LAMA3: variants seen among roughly 807,000 people sequenced by gnomAD.
LAMA3 encodes laminin subunit alpha 3.
A neutral mutation model predicts 402.0 loss-of-function variants in LAMA3; 281 were observed. The observed-to-expected ratio is 0.70, with a 90% confidence interval of 0.63 to 0.77. LAMA3 has a LOEUF of 0.77. LAMA3 is among the 30% of genes least tolerant of loss of function. The probability of loss-of-function intolerance (pLI) is 0.00; values close to 1 mark genes in which losing one functional copy is unlikely to be tolerated. For missense variants in LAMA3, 3,840 were observed against 4,215.5 expected (o/e 0.91, Z 2.47); for synonymous variants, 1,431 against 1,558.4 (o/e 0.92, Z 1.93).
At chr18:23,746,126 G>A (rs2061648309) in intron 2 of LAMA3, among the ~76,000 whole-genome samples, 1 of 152,108 alleles carries the variant, frequency 6.6e-6, no homozygotes, top group Non-Finnish European at 1.5e-5. Context: ...TTATGAGGTT[G>A]GATCACTTTT....
At chr18:23,866,970 G>C (rs2064372438) in intron 36 of LAMA3, among the ~76,000 whole-genome samples, 4 of 152,222 alleles carry the variant, frequency 2.6e-5, no homozygotes, top group Admixed American at 2.0e-4. Flanking sequence ...GTAGGGTGCT[G>C]ATGCAGTAGT....
At position 23,803,180 on chromosome 18, in the gene LAMA3, A is replaced by G. The variant is rs148281441; in HGVS notation, c.1604-7186A>G. 5.3e-3 allele frequency among the ~76,000 whole-genome samples: 800 copies of G among 152,346 alleles called. 13 individuals are homozygous for G. The highest frequency in any genetic ancestry group is 0.019 in the African/African-American group (770 of 41,576). On this transcript the variant is annotated intron_variant, in intron 12 of 74. Transcript: ENST00000313654. ...AATTTCTGTATCCAAGTAAGTGTCC[A>G]TTCCAATAAGAACAAAACACTTCCC...
In LAMA3 at chr18:23,858,808, C is replaced by A. The variant is rs2064147193; in HGVS notation, c.4401C>A (p.Ser1467Arg). ...TTGGAGTAAATAATCAATGTCACAGCTCACATAAGCGAAGGACTAAGGTAT... is the reference window on the plus strand; with the variant it reads ...TTGGAGTAAATAATCAATGTCACAGATCACATAAGCGAAGGACTAAGGTAT... ...FCFGVNNQCHSSHKRRTKFVD... is the reference protein window; with the variant it reads ...FCFGVNNQCHRSHKRRTKFVD... The change falls in exon 34 of 75, where the codon AGC (serine) becomes AGA (arginine). Residue 1467 changes from serine (S) to arginine (R), a missense_variant. Coordinates refer to ENST00000313654, the MANE Select transcript of LAMA3 (RefSeq NM_198129.4). 6.2e-7 allele frequency: 1 copy of A among 1,614,158 alleles called. No individual in the cohort carries two copies. Among genetic ancestry groups the A allele is most frequent in the Non-Finnish European group, 8.5e-7 (1 of 1,179,982 alleles).
At chr18:23,950,270 AG>A in intron 72 of LAMA3, 111 bp downstream of exon 72, 1 of 1,253,660 alleles carries the variant, frequency 8.0e-7, no homozygotes, top group Non-Finnish European at 1.2e-6. Context: ...CTTGTATTTA[AG>A]AGCCTTGACT....
chr18:23,883,653 G>A (rs1052974525), intron 40 of LAMA3, among the ~76,000 whole-genome samples: 6 of 152,194 alleles, frequency 3.9e-5, no homozygotes, highest in African/African-American at 9.7e-5. Flanking sequence ...CGTGAAGCCC[G>A]CCCCATCCTG....
At chr18:23,746,158 C>T (rs545438033) in intron 2 of LAMA3, among the ~76,000 whole-genome samples, 1 of 152,182 alleles carries the variant, frequency 6.6e-6, no homozygotes, top group East Asian at 1.9e-4. Flanking sequence ...GTAGACAACT[C>T]GGGAGTGTTA....
intron 66 of LAMA3, 39 bp downstream of exon 66, chr18:23,932,330 G>A (rs373714381): frequency 1.4e-4 from 228 of 1,609,280 alleles, no homozygotes; most frequent in Non-Finnish European, 1.9e-4. Context: ...GATGAGAACG[G>A]CCTGCCCATG....
chr18:23,814,343 A>G (rs2063135253), intron 14 of LAMA3, 60 bp from the exon 15 acceptor site: 1 of 1,246,656 alleles, frequency 8.0e-7, no homozygotes, highest in Non-Finnish European at 1.2e-6. Flanking sequence ...GCTCACGCAC[A>G]GGTTTGAAAA....
At chr18:23,818,518 CAT>C (rs769828285) in intron 18 of LAMA3, among the ~76,000 whole-genome samples, 26 of 152,232 alleles carry the variant, frequency 1.7e-4, no homozygotes, top group Non-Finnish European at 3.5e-4. Context: ...AATTCCCCCA[CAT>C]GTTTGCTCTG....
intron 8 of LAMA3, among the ~76,000 whole-genome samples, chr18:23,767,508 A>G (rs1178671091): frequency 2.6e-5 from 4 of 152,056 alleles, no homozygotes; most frequent in African/African-American, 9.7e-5. Flanking sequence ...ACCTACAGCC[A>G]TCTGATCTTC....
intron 6 of LAMA3, among the ~76,000 whole-genome samples, chr18:23,757,503 C>A (rs904804587): frequency 7.0e-6 from 1 of 143,288 alleles, no homozygotes; most frequent in African/African-American, 2.5e-5. Context: ...CTAGACCCTT[C>A]TTGGCCTCGC....
At chr18:23,844,966 T>A in intron 29 of LAMA3, 43 bp from the exon 30 acceptor site, 2 of 1,102,756 alleles carry the variant, frequency 1.8e-6, no homozygotes, top group Non-Finnish European at 1.4e-6. Flanking sequence ...TAGGTCTGTG[T>A]CATCATTGGA....
chr18:23,948,633 G>A (rs1381133210), intron 70 of LAMA3, among the ~76,000 whole-genome samples: 4 of 151,008 alleles, frequency 2.6e-5, no homozygotes, highest in Middle Eastern at 3.4e-3. Flanking sequence ...GCAGTAGTAC[G>A]ATCTCGGCTC....
rs756968559 is a variant in LAMA3 at position 23,954,526 on chromosome 18, C to T, written c.9880C>T (p.Pro3294Ser). The T allele has an allele frequency of 6.2e-7, 1 of 1,613,856 alleles. No homozygotes were observed. The highest frequency in any genetic ancestry group is 1.6e-4 in the Middle Eastern group (1 of 6,062). Residue 3294 changes from proline (P) to serine (S), a missense_variant, in exon 75 of 75, where the codon CCT (proline) becomes TCT (serine). Around this residue, in one of 3 missense-constraint regions of LAMA3, gnomAD observed 840 missense variants for 981.9 expected, o/e 0.86. Transcript: ENST00000313654. ...AGCCAATTTGACGACACTGAGGATC[C>T]CTGTGTGGAAATCATTCTTTGGCTG... ...APANLTTLRI[P>S]VWKSFFGCLR... is the part of the protein sequence containing the mutation.
intron 7 of LAMA3, among the ~76,000 whole-genome samples, chr18:23,758,940 G>A (rs1318561095): frequency 3.3e-5 from 5 of 152,152 alleles, no homozygotes; most frequent in Non-Finnish European, 5.9e-5. Flanking sequence ...ATGGAGTGCT[G>A]GGAAGTGTAA....
chr18:23,835,430 C>T (rs752020317), intron 24 of LAMA3, among the ~76,000 whole-genome samples: 4 of 152,184 alleles, frequency 2.6e-5, no homozygotes, highest in Admixed American at 6.5e-5. Flanking sequence ...TTTCTGGGCA[C>T]CATGGGTGTT....
chr18:23,720,981 A>C lies in LAMA3; in HGVS notation c.447+6909A>C, dbSNP rs965803291. On this transcript the variant is annotated intron_variant, in intron 2 of 74. Coordinates refer to ENST00000313654, the MANE Select transcript of LAMA3 (RefSeq NM_198129.4). ...AGATCAGCCTGGGCAACACTGTGAA[A>C]GCCCCTCTCTATAAAAAAATAAAAT... Among the ~76,000 whole-genome samples the C allele has an allele frequency of 7.9e-5, 12 of 152,010 alleles. No homozygotes were observed. The South Asian group carries it at 2.3e-3, about 29-fold the overall frequency.
At chr18:23,773,411 A>G in intron 8 of LAMA3, 86 bp from the exon 9 acceptor site, 1 of 826,142 alleles carries the variant, frequency 1.2e-6, no homozygotes, top group Non-Finnish European at 2.1e-6. Context: ...TATATGACAG[A>G]ATTATTCCTC....
In LAMA3 at chr18:23,869,774, G is replaced by A. The variant is rs181583722; in HGVS notation, c.4768-1657G>A. Among the ~76,000 whole-genome samples, 696 of 152,202 alleles carry A rather than the reference G, an allele frequency of 4.6e-3. 3 individuals carry two copies. The highest frequency in any genetic ancestry group is 7.7e-3 in the Non-Finnish European group (524 of 68,008). ...GCAACAAAATATAAAGGTTAAAAAG[G>A]CAGGCTTTTGGAGGCCAGGCGCAAT... On this transcript the variant is annotated intron_variant, in intron 37 of 74. Coordinates refer to ENST00000313654, the MANE Select transcript of LAMA3 (RefSeq NM_198129.4).
Sources: gnomAD v4.1 joint callset for allele counts (sites outside exome capture counted in the v4.1 genomes callset) on GRCh38, gnomAD v4.1.1 for gene constraint, gnomAD v4.1.1 regional missense constraint, MANE v1.5 for transcripts, NCBI Gene and HGNC (gene_info 2026-07-23, HGNC 2026-07-21) for gene names.